The following CLIP4 variants were observed in gnomAD, a reference collection of about 807,000 sequenced individuals.
CLIP4 encodes the protein CAP-Gly domain-containing linker protein 4.
Under a neutral mutation model 73.1 loss-of-function variants are expected in CLIP4, and 47 were observed. The observed-to-expected ratio is 0.64, with a 90% CI of 0.51 to 0.82. The LOEUF (loss-of-function observed/expected upper bound fraction) is 0.82. CLIP4 is among the 40% of genes least tolerant of loss of function. The pLI, the probability that CLIP4 is intolerant of heterozygous loss-of-function variation, is 0.00. For missense variants in CLIP4, 874 were observed against 852.9 expected (o/e 1.02, Z -0.31); for synonymous variants, 306 against 295.4 (o/e 1.04, Z -0.37).
chr2:29,132,378 A>G, intron 4 of CLIP4, 133 bp downstream of exon 4: 1 of 719,792 alleles, frequency 1.4e-6, no homozygotes, highest in East Asian at 2.6e-5. Context: ...AGAGCTGAGG[A>G]TTCAGTTAGG....
chr2:29,130,693 T>G, intron 2 of CLIP4: 1 of 1,144,926 alleles, frequency 8.7e-7, no homozygotes, highest in Non-Finnish European at 1.1e-6. Context: ...TCTCTTCTGA[T>G]GGACTGCTGC....
Position 29,101,001 on chromosome 2 carries a change from G to A in CLIP4, c.-16+3054G>A, listed in dbSNP as rs183493267. On this transcript the variant is annotated intron_variant, in intron 1 of 14. Transcript: ENST00000401605. ...TCCAAGTCCCAAAACCTCAAAAGTA[G>A]GGAAGCCGCCCAAGTGCAGTGGTTC... Among the ~76,000 whole-genome samples, 1,091 of 152,188 alleles carry A rather than the reference G, an allele frequency of 7.2e-3. 4 individuals carry two copies. The highest frequency in any genetic ancestry group is 0.024 in the Middle Eastern group (7 of 294).
chr2:29,130,155 G>A, intron 2 of CLIP4: 1 of 447,888 alleles, frequency 2.2e-6, no homozygotes, highest in Non-Finnish European at 4.7e-6. Context: ...GGGTGAGAGA[G>A]CAGCCAGTGC....
At chr2:29,176,240 AG>A (rs1440938094) in intron 15 of CLIP4, among the ~76,000 whole-genome samples, 2 of 152,168 alleles carry the variant, frequency 1.3e-5, no homozygotes, top group African/African-American at 4.8e-5. Context: ...CCTTCTGCCA[AG>A]GGGCCAGAGT....
chr2:29,156,656 CTTAAA>C (rs1360088072), intron 10 of CLIP4, among the ~76,000 whole-genome samples: 3 of 152,106 alleles, frequency 2.0e-5, no homozygotes, highest in African/African-American at 4.8e-5. Flanking sequence ...GATTCTTTTA[CTTAAA>C]TTAGATAACT....
In CLIP4 at chr2:29,163,263, T is replaced by TA. The variant is rs202007158; in HGVS notation, c.1535-557dup. ...GCTAACCTAAACCTTTTCATTTAGG[T>TA]AAAAAAAAAAAGATTTTTCTTTTTA... On this transcript the variant is annotated intron_variant, in intron 12 of 15. Coordinates refer to ENST00000320081, the MANE Select transcript of CLIP4 (RefSeq NM_024692.6). Among the ~76,000 whole-genome samples, 422 of 142,330 alleles carry TA rather than the reference T, an allele frequency of 3.0e-3. 2 individuals carry two copies. The highest frequency in any genetic ancestry group is 0.016 in the South Asian group (73 of 4,468). The allele number at this position is 142,330 out of a possible 152,430, so 93.4% of individuals were successfully genotyped here.
intron 14 of CLIP4, among the ~76,000 whole-genome samples, chr2:29,170,152 A>G (rs1667910421): frequency 6.6e-6 from 1 of 152,048 alleles, no homozygotes; most frequent in Non-Finnish European, 1.5e-5. Flanking sequence ...TTCTCCATTC[A>G]TCCATTGGTG....
chr2:29,111,512 C>G (rs1201742188), upstream of CLIP4, among the ~76,000 whole-genome samples: 1 of 152,252 alleles, frequency 6.6e-6, no homozygotes, highest in Non-Finnish European at 1.5e-5. Context: ...TATTCCCACT[C>G]TGATTACAAG....
At chr2:29,100,552 A>C (rs948677829) in intron 1 of CLIP4, among the ~76,000 whole-genome samples, 1 of 151,702 alleles carries the variant, frequency 6.6e-6, no homozygotes, top group Non-Finnish European at 1.5e-5. Context: ...AATGTTCCCT[A>C]CCCCCATGAA....
At chr2:29,121,265 A>G in intron 1 of CLIP4, 109 bp from the exon 2 acceptor site, 1 of 1,102,066 alleles carries the variant, frequency 9.1e-7, no homozygotes, top group Non-Finnish European at 1.3e-6. Flanking sequence ...CCTTACTGAA[A>G]ATGTCAGCAG....
At chr2:29,180,840 A>ATGTGTGTG (rs72495863) in intron 15 of CLIP4, among the ~76,000 whole-genome samples, 1 of 150,264 alleles carries the variant, frequency 6.7e-6, no homozygotes, top group African/African-American at 2.4e-5. Flanking sequence ...ATATATATGT[A>ATGTGTGTG]TGTGTGTGTG....
intron 12 of CLIP4, among the ~76,000 whole-genome samples, chr2:29,162,777 A>G (rs1016269421): frequency 1.3e-5 from 2 of 152,184 alleles, no homozygotes; most frequent in Non-Finnish European, 2.9e-5. Flanking sequence ...CATTACTTGT[A>G]TTACATAGTA....
intron 1 of CLIP4, among the ~76,000 whole-genome samples, chr2:29,119,385 AC>A (rs1223575302): frequency 6.6e-6 from 1 of 152,164 alleles, no homozygotes; most frequent in Admixed American, 6.5e-5. Context: ...TCTGGGGATC[AC>A]TTAAAATTTT....
chr2:29,135,640 G>A lies in CLIP4; in HGVS notation c.622G>A (p.Glu208Lys), dbSNP rs1014843118. 3 of 1,609,578 alleles carry A rather than the reference G, an allele frequency of 1.9e-6. No homozygotes were observed. The highest frequency in any genetic ancestry group is 2.5e-6 in the Non-Finnish European group (3 of 1,178,146). Residue 208 changes from glutamate to lysine, a missense_variant, in exon 6 of 16, where the codon GAG becomes AAG. Glu to Lys is a moderately conservative substitution (Grantham distance 56). Transcript: ENST00000320081. ...TGCAGGTGCTGTGAAGTGCCTCTTG[G>A]AGCAGGGAGCAAATCCTGCATTTAG... ...LCAGAVKCLL[E>K]QGANPAFRND...
In CLIP4 at chr2:29,119,218, T is replaced by C. The variant is rs58018165; in HGVS notation, c.-15-2156T>C. On this transcript the variant is annotated intron_variant, in intron 1 of 15. Coordinates refer to ENST00000320081, the MANE Select transcript of CLIP4 (RefSeq NM_024692.6). Reference sequence around the variant, plus strand: ...GTAAAAGAATGAAGCTGGTTACATCTGATTGCATGAATCCTCTTTCCACTT... The same window carrying C: ...GTAAAAGAATGAAGCTGGTTACATCCGATTGCATGAATCCTCTTTCCACTT... Among the ~76,000 whole-genome samples the C allele has an allele frequency of 6.3e-3, 958 of 152,356 alleles. 21 individuals carry two copies. The highest frequency in any genetic ancestry group is 0.022 in the African/African-American group (927 of 41,584).
chr2:29,114,597 G>A (rs72862313), upstream of CLIP4, among the ~76,000 whole-genome samples: 458 of 152,336 alleles, frequency 3.0e-3, 5 homozygotes, highest in African/African-American at 0.011. Context: ...AAGTGGGAAG[G>A]GGGCTTTTTC....
At chr2:29,156,326 C>T (rs992670413) in intron 9 of CLIP4, 28 bp from the exon 10 acceptor site, 2 of 1,466,136 alleles carry the variant, frequency 1.4e-6, no homozygotes, top group Admixed American at 4.8e-5. Flanking sequence ...AAAATTCTTG[C>T]TTAAAGTGTT....
chr2:29,120,405 T>C (rs1170875271), intron 1 of CLIP4, among the ~76,000 whole-genome samples: 3 of 152,286 alleles, frequency 2.0e-5, no homozygotes, highest in Middle Eastern at 3.4e-3. Flanking sequence ...GAGTTAGATA[T>C]AGGGTTGGTT....
rs111869224 is a variant in CLIP4 at position 29,105,316 on chromosome 2, C to G, written c.-16+7369C>G. Among the ~76,000 whole-genome samples, 1,282 of 152,310 alleles carry G rather than the reference C, an allele frequency of 8.4e-3. 15 individuals are homozygous for G. Among genetic ancestry groups the G allele is most frequent in the African/African-American group, 0.023 (952 of 41,566 alleles). On this transcript the variant is annotated intron_variant, in intron 1 of 14. Transcript: ENST00000401605. ...CTAAGTTGAATTGGTAAAAGAATCT[C>G]AAGGTAACTGTCTTTTCTGTTGCTC...
Sources: gnomAD v4.1 joint callset for allele counts (sites outside exome capture counted in the v4.1 genomes callset) on GRCh38, gnomAD v4.1.1 for gene constraint, MANE v1.5 for transcripts, NCBI Gene and HGNC (gene_info 2026-07-23, HGNC 2026-07-21) for gene names.